Variants in POU2F1 observed in about 807,000 individuals in gnomAD.
POU2F1 encodes the protein POU class 2 homeobox 1.
POU2F1 carries 16 observed loss-of-function variants against 84.9 expected under a neutral mutation model. That is an observed-to-expected ratio of 0.19 (90% CI 0.13 to 0.29). The LOEUF is 0.29. Among genes scored for constraint, POU2F1 ranks in the 10% least tolerant of loss-of-function variants. The pLI is 1.00. For missense variants in POU2F1, 738 were observed against 942.6 expected (o/e 0.78, Z 2.84); for synonymous variants, 368 against 368.3 (o/e 1.00, Z 0.01).
intron 8 of POU2F1, among the ~76,000 whole-genome samples, chr1:167,385,049 C>T (rs557157323): frequency 6.6e-6 from 1 of 152,186 alleles, no homozygotes; most frequent in East Asian, 1.9e-4. Flanking sequence ...TTTCTATACA[C>T]TAGCAGTGAG....
At chr1:167,383,697 A>C (rs949394994) in intron 7 of POU2F1, 160 bp from the exon 8 acceptor site, 10 of 591,056 alleles carry the variant, frequency 1.7e-5, no homozygotes, top group Non-Finnish European at 3.0e-5. Flanking sequence ...GTAAAACAAG[A>C]TTGAATGTAA....
chr1:167,280,737 G>T (rs1287359472), intron 1 of POU2F1, among the ~76,000 whole-genome samples: 1 of 152,158 alleles, frequency 6.6e-6, no homozygotes, highest in African/African-American at 2.4e-5. Context: ...TTTTTAAAAA[G>T]TCCTAAGCAT....
chr1:167,401,700 T>A (rs988309070), intron 13 of POU2F1, 144 bp downstream of exon 13: 2 of 492,502 alleles, frequency 4.1e-6, no homozygotes, highest in African/African-American at 4.0e-5. Flanking sequence ...TTAAAGTAAC[T>A]CCTTTCCTTA....
intron 2 of POU2F1, among the ~76,000 whole-genome samples, chr1:167,336,608 A>G (rs1317231511): frequency 6.6e-6 from 1 of 152,230 alleles, no homozygotes; most frequent in Non-Finnish European, 1.5e-5. Flanking sequence ...ATCCATTTCA[A>G]GATAAATAAA....
intron 13 of POU2F1, among the ~76,000 whole-genome samples, chr1:167,410,468 C>T (rs1649875711): frequency 6.6e-6 from 1 of 152,034 alleles, no homozygotes; most frequent in Middle Eastern, 3.2e-3. Flanking sequence ...GAAAGAAGAG[C>T]ATGTTCTGAA....
intron 1 of POU2F1, among the ~76,000 whole-genome samples, chr1:167,281,850 G>A (rs1287891893): frequency 1.3e-5 from 2 of 152,036 alleles, no homozygotes; most frequent in African/African-American, 2.4e-5. Context: ...TTCTCTCAAC[G>A]GTGCATCACA....
intron 13 of POU2F1, among the ~76,000 whole-genome samples, chr1:167,403,866 A>G (rs1013494922): frequency 2.0e-5 from 3 of 152,220 alleles, no homozygotes; most frequent in African/African-American, 7.2e-5. Context: ...TAAAACTTCT[A>G]AATACATGTA....
intron 1 of POU2F1, among the ~76,000 whole-genome samples, chr1:167,323,569 A>G (rs1000043307): frequency 1.3e-5 from 2 of 152,218 alleles, no homozygotes; most frequent in African/African-American, 4.8e-5. Context: ...GATTCCCTAT[A>G]GCATGCTGAA....
At chr1:167,367,630 C>T (rs1196670667) in intron 3 of POU2F1, among the ~76,000 whole-genome samples, 1 of 152,066 alleles carries the variant, frequency 6.6e-6, no homozygotes, top group Non-Finnish European at 1.5e-5. Flanking sequence ...GTAAGAGTTA[C>T]AACAATAGAA....
At chr1:167,275,724 C>A (rs1191545043) in intron 1 of POU2F1, among the ~76,000 whole-genome samples, 1 of 152,018 alleles carries the variant, frequency 6.6e-6, no homozygotes, top group African/African-American at 2.4e-5. Flanking sequence ...AATTCTACCA[C>A]CCCCTGCCCA....
chr1:167,328,455 C>G (rs1234584407), intron 1 of POU2F1, among the ~76,000 whole-genome samples: 1 of 152,146 alleles, frequency 6.6e-6, no homozygotes, highest in Non-Finnish European at 1.5e-5. Context: ...TCTGCTTCTA[C>G]CTTGCTAATT....
At chr1:167,273,494 G>T (rs974527496) in intron 1 of POU2F1, among the ~76,000 whole-genome samples, 2 of 152,206 alleles carry the variant, frequency 1.3e-5, no homozygotes, top group African/African-American at 4.8e-5. Context: ...AATCTAGGCA[G>T]GAGCTCCCAA....
chr1:167,276,269 G>A (rs959060374), intron 1 of POU2F1, among the ~76,000 whole-genome samples: 3 of 152,118 alleles, frequency 2.0e-5, no homozygotes, highest in African/African-American at 7.2e-5. Flanking sequence ...TTCAGTAGCG[G>A]CCTATGTTAT....
chr1:167,357,265 T>C (rs1275151603), intron 2 of POU2F1, among the ~76,000 whole-genome samples: 1 of 148,190 alleles, frequency 6.7e-6, no homozygotes, highest in African/African-American at 2.6e-5. Flanking sequence ...TTTTTCACCA[T>C]AAACTATGAT....
chr1:167,280,325 A>T (rs1157412283), intron 1 of POU2F1, among the ~76,000 whole-genome samples: 1 of 150,880 alleles, frequency 6.6e-6, no homozygotes. Context: ...TTTTTTTTTT[A>T]AAGAGAGATT....
intron 2 of POU2F1, among the ~76,000 whole-genome samples, chr1:167,364,000 G>A (rs550761218): frequency 2.8e-4 from 43 of 152,318 alleles, no homozygotes; most frequent in African/African-American, 8.2e-4. Context: ...TGGGAAGAAT[G>A]GGATGTTTGA....
chr1:167,264,854 G>A (rs574559532), intron 1 of POU2F1, among the ~76,000 whole-genome samples: 1 of 151,830 alleles, frequency 6.6e-6, no homozygotes, highest in Non-Finnish European at 1.5e-5. Flanking sequence ...ATCTTCCCAC[G>A]GTTTCCCATT....
chr1:167,366,790 T>A (rs544222647), intron 3 of POU2F1, among the ~76,000 whole-genome samples: 1 of 152,330 alleles, frequency 6.6e-6, no homozygotes, highest in East Asian at 1.9e-4. Flanking sequence ...GTTGATTTTT[T>A]TTCTAAGAAC....
intron 1 of POU2F1, among the ~76,000 whole-genome samples, chr1:167,296,143 C>G (rs1236748719): frequency 6.6e-6 from 1 of 151,970 alleles, no homozygotes; most frequent in Non-Finnish European, 1.5e-5. Context: ...TGGAGTTCAT[C>G]CATTGAGCCT....
Sources: gnomAD v4.1 joint callset for allele counts (sites outside exome capture counted in the v4.1 genomes callset) on GRCh38, gnomAD v4.1.1 for gene constraint, MANE v1.5 for transcripts, NCBI Gene and HGNC (gene_info 2026-07-23, HGNC 2026-07-21) for gene names.